Variants in CLNK observed in about 807,000 individuals in gnomAD.
CLNK encodes cytokine dependent hematopoietic cell linker, also known as cytokine-dependent hematopoietic cell linker.
A neutral mutation model predicts 68.6 loss-of-function variants in CLNK; 74 were observed. The ratio of observed to expected loss-of-function variants is 1.08; its 90% CI spans 0.89 to 1.31. The LOEUF (loss-of-function observed/expected upper bound fraction) is 1.31. Ranked by LOEUF, CLNK falls within the 50% of genes most tolerant of loss-of-function variation. CLNK has a pLI of 0.00. For missense variants in CLNK, 553 were observed against 515.3 expected (o/e 1.07, Z -0.71); for synonymous variants, 198 against 172.2 (o/e 1.15, Z -1.17).
chr4:10,697,362 A>T, the CLNK span: 9 of 152,280 alleles, frequency 5.9e-5, no homozygotes, highest in Middle Eastern at 6.8e-3. Flanking sequence ...GCTTCGTGAG[A>T]ACTAAAGCAA....
chr4:10,494,458 T>C (rs1261650770), intron 18 of CLNK, among the ~76,000 whole-genome samples: 4 of 140,876 alleles, frequency 2.8e-5, no homozygotes, highest in Non-Finnish European at 4.8e-5. Flanking sequence ...CAGTATTTCC[T>C]ATTTTTTTTT....
At position 10,508,032 on chromosome 4, in the gene CLNK, A is replaced by G. The variant is rs1717386223; in HGVS notation, c.911T>C (p.Val304Ala). The part of the protein sequence containing the change: ...PFPKRSDRKD[V>A]QHNEWYIGEY... ...TCCAATGTACCATTCATTGTGCTGG[A>G]CATCCTGCAGAACAGAATCAATGAT... Residue 304 changes from valine to alanine, a missense_variant, in exon 17 of 19, where the codon GTC becomes GCC. By Grantham distance (64) the Val-to-Ala change is moderately conservative. Transcript: ENST00000226951. 1.2e-6 allele frequency: 2 copies of G among 1,609,268 alleles called. No individual in the cohort carries two copies. The highest frequency in any genetic ancestry group is 1.7e-6 in the Non-Finnish European group (2 of 1,177,442).
At chr4:10,663,191 C>T (rs1035027557) in intron 2 of CLNK, among the ~76,000 whole-genome samples, 13 of 152,188 alleles carry the variant, frequency 8.5e-5, no homozygotes, top group African/African-American at 7.2e-5. Flanking sequence ...GTAATGGGGC[C>T]GCTAGTGGGT....
Position 10,486,546 on chromosome 4 carries a change from A to G in CLNK, c.*3921T>C, listed in dbSNP as rs1291348838. 1 of 152,152 alleles carries G rather than the reference A, an allele frequency of 6.6e-6. No homozygotes were observed. The highest frequency in any genetic ancestry group is 1.5e-5 in the Non-Finnish European group (1 of 68,042). The allele number at this position is 152,152 out of a possible 1,614,324, so 9.4% of individuals were successfully genotyped here. On this transcript the variant is annotated 3_prime_UTR_variant, in exon 19 of 19. Transcript: ENST00000226951. ...AATATAGGCTATCATAAAAATTTGT[A>G]TTTGTGTACACACATACATAATTGG...
the CLNK span, among the ~76,000 whole-genome samples, chr4:10,723,659 T>C: frequency 2.0e-5 from 3 of 152,152 alleles, no homozygotes; most frequent in Admixed American, 1.3e-4. Context: ...TCTTGTTCAT[T>C]GAGACCCTTG....
At chr4:10,581,388 A>G (rs1218216561) in intron 4 of CLNK, among the ~76,000 whole-genome samples, 1 of 152,194 alleles carries the variant, frequency 6.6e-6, no homozygotes, top group Non-Finnish European at 1.5e-5. Context: ...AGAGAGACTC[A>G]GTCATCTAGC....
intron 2 of CLNK, among the ~76,000 whole-genome samples, chr4:10,628,981 T>A (rs1722783544): frequency 6.6e-6 from 1 of 152,190 alleles, no homozygotes; most frequent in African/African-American, 2.4e-5. Flanking sequence ...CAAAAGAGCT[T>A]GTCCCAGATA....
intron 2 of CLNK, among the ~76,000 whole-genome samples, chr4:10,611,395 G>A (rs927589731): frequency 3.9e-5 from 6 of 152,038 alleles, no homozygotes; most frequent in Non-Finnish European, 8.8e-5. Context: ...CTATTCAGGA[G>A]GCTGAGGCAT....
intron 2 of CLNK, among the ~76,000 whole-genome samples, chr4:10,610,957 G>A (rs1291103405): frequency 2.0e-5 from 3 of 152,182 alleles, no homozygotes; most frequent in Non-Finnish European, 4.4e-5. Context: ...GCCGAGGCAG[G>A]CGGATCACTT....
chr4:10,502,064 C>T (rs1415876821), intron 17 of CLNK, among the ~76,000 whole-genome samples: 1 of 152,236 alleles, frequency 6.6e-6, no homozygotes, highest in East Asian at 1.9e-4. Context: ...GCCTCTGGCT[C>T]CTGGCTCCAG....
At chr4:10,528,434 T>C (rs1404099684) in intron 12 of CLNK, among the ~76,000 whole-genome samples, 2 of 152,214 alleles carry the variant, frequency 1.3e-5, no homozygotes, top group Non-Finnish European at 2.9e-5. Flanking sequence ...ACTCCTTTTC[T>C]AAGATACAAC....
At chr4:10,635,524 G>A (rs576795538) in intron 2 of CLNK, among the ~76,000 whole-genome samples, 1 of 152,184 alleles carries the variant, frequency 6.6e-6, no homozygotes, top group East Asian at 1.9e-4. Context: ...CACCATCTGT[G>A]CTGGATGTGG....
chr4:10,552,633 A>T (rs539424749), intron 8 of CLNK, among the ~76,000 whole-genome samples: 1 of 151,912 alleles, frequency 6.6e-6, no homozygotes, highest in South Asian at 2.1e-4. Context: ...TCTCCACCCC[A>T]ATCAATCAGC....
At chr4:10,600,105 TCTCTGCCAAGTCATCCCACACTGTGGC>T (rs1721535681) in intron 2 of CLNK, among the ~76,000 whole-genome samples, 1 of 152,218 alleles carries the variant, frequency 6.6e-6, no homozygotes, top group Non-Finnish European at 1.5e-5. Context: ...CTACCCTCTC[TCTCTGCCAAGTCATCCCACACTGTGGC>T]CTCTGGGCCC....
At chr4:10,616,343 G>T (rs1722225199) in intron 2 of CLNK, among the ~76,000 whole-genome samples, 1 of 152,202 alleles carries the variant, frequency 6.6e-6, no homozygotes, top group African/African-American at 2.4e-5. Flanking sequence ...GAAGATAATG[G>T]AGGAAATGTT....
At chr4:10,723,816 T>C in the CLNK span, among the ~76,000 whole-genome samples, 1 of 145,724 alleles carries the variant, frequency 6.9e-6, no homozygotes, top group African/African-American at 2.5e-5. Context: ...TCCAGTTAGA[T>C]CACATTAATC....
In CLNK at chr4:10,540,564, G is replaced by A. The variant is rs77106041; in HGVS notation, c.532C>T (p.Pro178Ser). The A allele has an allele frequency of 3.8e-4, 619 of 1,613,904 alleles. 3 individuals carry two copies. In the African/African-American group the frequency reaches 6.2e-3, roughly 16 times the overall value. The change falls in exon 11 of 19, where the codon CCT becomes TCT. Residue 178 changes from proline to serine, a missense_variant. Physicochemically the swap from Pro to Ser is moderately conservative, Grantham distance 74 (BLOSUM62 -1). Coordinates refer to ENST00000226951, the MANE Select transcript of CLNK (RefSeq NM_052964.4). The part of the protein sequence containing the change: ...TLPKKYQPLP[P>S]EPESSRPPLS... ...GGTGGCCTGCTGCTCTCCGGCTCAG[G>A]GGGCAAGGGTTGGTACTTCTTCGGA...
intron 2 of CLNK, among the ~76,000 whole-genome samples, chr4:10,661,506 G>T (rs1724189971): frequency 6.6e-6 from 1 of 152,146 alleles, no homozygotes; most frequent in Non-Finnish European, 1.5e-5. Flanking sequence ...ATCTGAATTT[G>T]GGAAACTTGT....
At chr4:10,734,073 G>T in the CLNK span, among the ~76,000 whole-genome samples, 1 of 152,166 alleles carries the variant, frequency 6.6e-6, no homozygotes, top group African/African-American at 2.4e-5. Flanking sequence ...TCTACTATGT[G>T]CCTGCACTTC....
Sources: gnomAD v4.1 joint callset for allele counts (sites outside exome capture counted in the v4.1 genomes callset) on GRCh38, gnomAD v4.1.1 for gene constraint, MANE v1.5 for transcripts, NCBI Gene and HGNC (gene_info 2026-07-23, HGNC 2026-07-21) for gene names.